The following MARF1 variants were observed in gnomAD, a reference collection of about 807,000 sequenced individuals.
MARF1 encodes the protein limkain-b1.
MARF1 carries 24 observed loss-of-function variants against 168.2 expected under a neutral mutation model. That is an observed-to-expected ratio of 0.14 (90% CI 0.10 to 0.20). The LOEUF (loss-of-function observed/expected upper bound fraction) is 0.20, where lower values mean the gene tolerates loss of function less well. Ranked by LOEUF, MARF1 falls within the 10% of genes least tolerant of loss-of-function variation. MARF1 has a pLI of 1.00. For missense variants in MARF1, 1,744 were observed against 2,143.6 expected (o/e 0.81, Z 3.68); for synonymous variants, 868 against 822.4 (o/e 1.06, Z -0.95).
intron 25 of MARF1, 21 bp downstream of exon 25, chr16:15,600,407 T>A (rs1217368942): frequency 1.2e-6 from 2 of 1,613,966 alleles, no homozygotes; most frequent in Non-Finnish European, 1.7e-6. Context: ...AGCTCCTATG[T>A]CTCTGCTTTT....
rs765263980 is a variant in MARF1, at chr16:15,605,614, G to A, written c.4183-1216C>T. Among the ~76,000 whole-genome samples, 127 of 152,184 alleles carry A rather than the reference G, an allele frequency of 8.3e-4. No individual in the cohort carries two copies. The Middle Eastern group carries it at 0.01, about 12-fold the overall frequency. On this transcript the variant is annotated intron_variant, in intron 21 of 26. Transcript: ENST00000396368. ...AAACCAGAGCCTGCTCCTCTGGTGC[G>A]ACTTGGATCCATCCCTTGATTCTCA...
intron 25 of MARF1, among the ~76,000 whole-genome samples, chr16:15,600,084 T>G (rs1334458670): frequency 6.6e-6 from 1 of 152,174 alleles, no homozygotes; most frequent in African/African-American, 2.4e-5. Context: ...GGCTATGTAT[T>G]GGGAGTTGGC....
chr16:15,604,044 T>C, intron 22 of MARF1, 124 bp downstream of exon 22: 1 of 739,380 alleles, frequency 1.4e-6, no homozygotes, highest in Non-Finnish European at 2.2e-6. Context: ...GGCGTGTTCA[T>C]CCATGAAATG....
At chr16:15,635,127 G>C (rs994678832) in intron 3 of MARF1, 196 bp from the exon 4 acceptor site, 37 of 539,108 alleles carry the variant, frequency 6.9e-5, no homozygotes, top group African/African-American at 6.3e-4. Context: ...GAAGTGACTT[G>C]ACATGATCAA....
intron 18 of MARF1, 134 bp downstream of exon 18, chr16:15,611,458 A>AC (rs2033549381): frequency 4.8e-6 from 4 of 826,096 alleles, no homozygotes; most frequent in East Asian, 2.8e-5. Context: ...AAAAAAAAAA[A>AC]AAAAAAACAA....
chr16:15,630,761 ATTAACT>A (rs1555529218), intron 6 of MARF1, among the ~76,000 whole-genome samples: 3 of 152,128 alleles, frequency 2.0e-5, no homozygotes, highest in Non-Finnish European at 4.4e-5. Context: ...AAATTTGAAA[ATTAACT>A]TAAACTTTAA....
chr16:15,622,707 C>G (rs2034552904), intron 11 of MARF1, among the ~76,000 whole-genome samples: 1 of 152,192 alleles, frequency 6.6e-6, no homozygotes, highest in Admixed American at 6.5e-5. Flanking sequence ...CAATTTCTGC[C>G]TAAGACAAGA....
intron 23 of MARF1, 148 bp from the exon 24 acceptor site, chr16:15,600,849 C>T: frequency 1.2e-6 from 1 of 825,672 alleles, no homozygotes; most frequent in Non-Finnish European, 2.1e-6. Context: ...TCTACTCTCT[C>T]CTTAGCTTTT....
intron 1 of MARF1, among the ~76,000 whole-genome samples, chr16:15,639,697 G>A (rs28678199): frequency 0.037 from 5,584 of 151,662 alleles, 335 homozygotes; most frequent in African/African-American, 0.12. Context: ...CACTGCGCCC[G>A]GCCAACAATT....
rs936441089 is a variant in MARF1 at position 15,596,168 on chromosome 16, CG to C, written c.*524del. 2 of 152,706 alleles carry C rather than the reference CG, an allele frequency of 1.3e-5. No individual in the cohort carries two copies. Among genetic ancestry groups the C allele is most frequent in the African/African-American group, 2.4e-5 (1 of 41,452 alleles). 9.5% of individuals were successfully genotyped at this position (152,706 alleles called of 1,614,324 possible). ...CACATTCCAACCTGAAAATACACTC[CG>C]AACCCCTCGCCTACCCTTCTCCTTT... On this transcript the variant is annotated 3_prime_UTR_variant, in exon 27 of 27. Coordinates refer to ENST00000396368, the MANE Select transcript of MARF1 (RefSeq NM_014647.4).
chr16:15,620,152 G>A (rs1474610312), intron 13 of MARF1, among the ~76,000 whole-genome samples: 3 of 152,052 alleles, frequency 2.0e-5, no homozygotes, highest in African/African-American at 4.8e-5. Flanking sequence ...GCAACAGAGC[G>A]AGACTCTGTC....
intron 21 of MARF1, chr16:15,606,145 G>A (rs1455299732): frequency 6.6e-6 from 1 of 152,354 alleles, no homozygotes; most frequent in Non-Finnish European, 1.5e-5. Flanking sequence ...TGGGAGTGCA[G>A]AAAGAGACTC....
chr16:15,596,736 T>C lies in MARF1; in HGVS notation c.5186A>G (p.Lys1729Arg). ...PAKKQPKNRV[K>R]LAANFSLAPI... ...TGCTAAGGAAAAGTTGGCTGCCAAT[T>C]TGACTCTATTTTTGGGTTGCTTTTT... Residue 1729 changes from lysine to arginine, a missense_variant, in exon 27 of 27, where the codon AAA becomes AGA. Coordinates refer to ENST00000396368, the MANE Select transcript of MARF1 (RefSeq NM_014647.4). 7.5e-6 allele frequency: 12 copies of C among 1,608,496 alleles called. No individual in the cohort carries two copies. Among genetic ancestry groups the C allele is most frequent in the Non-Finnish European group, 1.0e-5 (12 of 1,175,422 alleles).
At chr16:15,608,662 A>T in intron 20 of MARF1, 144 bp from the exon 21 acceptor site, 1 of 623,894 alleles carries the variant, frequency 1.6e-6, no homozygotes, top group Middle Eastern at 3.1e-4. Context: ...TAAGATGAAA[A>T]AGTTCAGAAG....
chr16:15,599,476 G>C (rs1304369894), intron 25 of MARF1, among the ~76,000 whole-genome samples: 2 of 152,206 alleles, frequency 1.3e-5, no homozygotes, highest in African/African-American at 2.4e-5. Context: ...CTGCACAACG[G>C]AGGTCAGCAC....
intron 1 of MARF1, 134 bp from the exon 2 acceptor site, chr16:15,639,425 A>G (rs760454551): frequency 1.6e-6 from 1 of 642,178 alleles, no homozygotes; most frequent in African/African-American, 1.9e-5. Context: ...TTTCAAGAGG[A>G]AGTCTCGCTC....
Position 15,604,320 on chromosome 16 carries a change from C to A in MARF1, c.4261G>T (p.Val1421Leu). ...SLRSLTAQLL[V>L]LLMSWEGTTH... ...GTTCCTTCCCAAGACATCAACAATA[C>A]CAGCAACTGGGCAGTGAGAGATCGC... The change falls in exon 22 of 27, where the codon GTA becomes TTA. Residue 1421 changes from valine to leucine, a missense_variant. Coordinates refer to ENST00000396368, the MANE Select transcript of MARF1 (RefSeq NM_014647.4). 3 of 1,614,104 alleles carry A rather than the reference C, an allele frequency of 1.9e-6. No individual in the cohort carries two copies. Among genetic ancestry groups the A allele is most frequent in the Non-Finnish European group, 2.5e-6 (3 of 1,180,004 alleles).
chr16:15,621,973 T>C, intron 11 of MARF1, 62 bp from the exon 12 acceptor site: 1 of 1,498,034 alleles, frequency 6.7e-7, no homozygotes, highest in Non-Finnish European at 9.2e-7. Context: ...GTCTTAAAAC[T>C]GAAGGTGAAC....
chr16:15,631,569 AT>A, intron 5 of MARF1, 71 bp from the exon 6 acceptor site: 3 of 1,014,554 alleles, frequency 3.0e-6, no homozygotes, highest in Non-Finnish European at 4.4e-6. Flanking sequence ...TTCTGCCCAT[AT>A]TTTTTATTTT....
Sources: allele counts gnomAD v4.1 joint callset (sites outside exome capture counted in the v4.1 genomes callset), GRCh38; gene constraint gnomAD v4.1.1; transcripts MANE v1.5; gene names NCBI Gene and HGNC (gene_info 2026-07-23, HGNC 2026-07-21).